TRIM33: variants seen among roughly 807,000 people sequenced by gnomAD.
TRIM33 encodes the protein E3 ubiquitin-protein ligase TRIM33.
A neutral mutation model predicts 125.4 loss-of-function variants in TRIM33; 20 were observed. The observed-to-expected ratio is 0.16, with a 90% CI of 0.11 to 0.23. The LOEUF (loss-of-function observed/expected upper bound fraction) is 0.23. Ranked by LOEUF, TRIM33 falls within the 10% of genes least tolerant of loss-of-function variation. The pLI is 1.00. For missense variants in TRIM33, 920 were observed against 1,411.4 expected, an observed-to-expected ratio of 0.65 and a Z score of 5.58; for synonymous variants, 564 against 513.9, an observed-to-expected ratio of 1.10 and a Z score of -1.32.
chr1:114,456,877 C>T (rs1649660293), intron 4 of TRIM33, among the ~76,000 whole-genome samples: 1 of 152,088 alleles, frequency 6.6e-6, no homozygotes, highest in African/African-American at 2.4e-5. Context: ...TGACATGTGA[C>T]CAACAGGAGC....
At position 114,504,063 on chromosome 1, in the gene TRIM33, G is replaced by A. The variant is rs577161123; in HGVS notation, c.526+6488C>T. On this transcript the variant is annotated intron_variant, in intron 1 of 19. Coordinates refer to ENST00000358465, the MANE Select transcript of TRIM33 (RefSeq NM_015906.4). ...TTCATAAAGGATATTAAGTGACAAT[G>A]ACATAGGTTTATTTTTGTTCTTTCT... 7.2e-5 allele frequency among the ~76,000 whole-genome samples: 11 copies of A among 152,294 alleles called. No individual in the cohort carries two copies. In the South Asian group the frequency reaches 2.1e-3, roughly 29 times the overall value.
rs1651354188 is a variant in TRIM33 at position 114,392,889 on chromosome 1, G to A, written c.*4759C>T. 5.2e-6 allele frequency: 1 copy of A among 191,502 alleles called. No homozygotes were observed. Among genetic ancestry groups the A allele is most frequent in the African/African-American group, 2.3e-5 (1 of 42,988 alleles). 11.9% of individuals were successfully genotyped at this position (191,502 alleles called of 1,614,324 possible). A position where few individuals can be genotyped will look rare whatever the true frequency, so the allele number is the denominator to read the frequency against. ...TACAACTTCTACAACACATTCCAGA[G>A]CATTATAACAAGAATTATTTACAGG... On this transcript the variant is annotated 3_prime_UTR_variant, in exon 20 of 20. Transcript: ENST00000358465.
chr1:114,414,750 C>T (rs1347327921), intron 11 of TRIM33, among the ~76,000 whole-genome samples: 1 of 152,154 alleles, frequency 6.6e-6, no homozygotes. Context: ...CTTATCCCTA[C>T]TGTTCCTCAA....
In TRIM33 at chr1:114,393,045, C is replaced by T. The variant is rs749302002; in HGVS notation, c.*4603G>A. 60 of 198,896 alleles carry T rather than the reference C, an allele frequency of 3.0e-4. No individual in the cohort carries two copies. The highest frequency in any genetic ancestry group is 5.4e-4 in the Non-Finnish European group (52 of 96,082). The allele number at this position is 198,896 out of a possible 1,614,324, so 12.3% of individuals were successfully genotyped here. On this transcript the variant is annotated 3_prime_UTR_variant, in exon 20 of 20. Coordinates refer to ENST00000358465, the MANE Select transcript of TRIM33 (RefSeq NM_015906.4). Reference sequence around the variant, plus strand: ...ATTAAATATGATTATTTAGAGAATACGATACCACAGAAACAGCACTTTTTA... The same window carrying T: ...ATTAAATATGATTATTTAGAGAATATGATACCACAGAAACAGCACTTTTTA...
intron 1 of TRIM33, among the ~76,000 whole-genome samples, chr1:114,484,524 C>T (rs539862935): frequency 7.9e-5 from 12 of 151,874 alleles, no homozygotes; most frequent in African/African-American, 2.9e-4. Context: ...GTCAGGAGTT[C>T]GAGACCAGCC....
Position 114,427,278 on chromosome 1 carries a change from C to A in TRIM33, c.1319G>T (p.Arg440Leu). The change falls in exon 8 of 20, where the codon CGT (arginine) becomes CTT (leucine). Residue 440 changes from arginine to leucine, a missense_variant. Arg to Leu is a moderately radical substitution (Grantham distance 102). Around this residue, in one of 8 missense-constraint regions of TRIM33, gnomAD observed 407 missense variants for 589.7 expected, o/e 0.69. Coordinates refer to ENST00000358465, the MANE Select transcript of TRIM33 (RefSeq NM_015906.4). ...ATCACACCGTGCTTTCAAAATATGA[C>A]GCAACTGGAAAGTAATCTTAAAGGG... ...YSKRLITFQL[R>L]HILKARCDPV... The A allele has an allele frequency of 6.3e-7, 1 of 1,574,830 alleles. No individual in the cohort carries two copies. The highest frequency in any genetic ancestry group is 8.7e-7 in the Non-Finnish European group (1 of 1,154,630).
chr1:114,443,961 A>C (rs572343563), intron 4 of TRIM33, among the ~76,000 whole-genome samples: 1 of 152,306 alleles, frequency 6.6e-6, no homozygotes, highest in East Asian at 1.9e-4. Context: ...AGCCCTTGTC[A>C]CCAAAAACTA....
intron 8 of TRIM33, 60 bp from the exon 9 acceptor site, chr1:114,425,783 G>A: frequency 1.6e-6 from 2 of 1,245,710 alleles, no homozygotes; most frequent in Non-Finnish European, 2.3e-6. Context: ...ACTTTGTTGA[G>A]TAATCACCAT....
intron 1 of TRIM33, among the ~76,000 whole-genome samples, chr1:114,483,619 C>A (rs1424863181): frequency 6.6e-6 from 1 of 151,806 alleles, no homozygotes; most frequent in Non-Finnish European, 1.5e-5. Context: ...CGCCATGTTG[C>A]CCAGGCTGGT....
rs1443655540 is a variant in TRIM33, at chr1:114,424,763, A to G, written c.1696-8T>C. 2.7e-6 allele frequency: 4 copies of G among 1,473,850 alleles called. No individual in the cohort carries two copies. The highest frequency in any genetic ancestry group is 3.6e-6 in the Non-Finnish European group (4 of 1,107,482). The allele number at this position is 1,473,850 out of a possible 1,614,324, so 91.3% of individuals were successfully genotyped here. A position where few individuals can be genotyped will look rare whatever the true frequency, so the allele number is the denominator to read the frequency against. On this transcript the variant is annotated splice_region_variant and splice_polypyrimidine_tract_variant and intron_variant, in intron 9 of 19. Transcript: ENST00000358465. The stretch of plus-strand genomic sequence containing the variant: ...ACTGATCAATCGAGGAGGCTACAAA[A>G]AGTAGAAATTGCAATTTATGTAATA...
intron 1 of TRIM33, among the ~76,000 whole-genome samples, chr1:114,464,644 A>G (rs1650180733): frequency 6.6e-6 from 1 of 152,226 alleles, no homozygotes; most frequent in Non-Finnish European, 1.5e-5. Flanking sequence ...TAATTGCCCC[A>G]AAAGAAATCC....
rs372969672 is a variant in TRIM33 at position 114,393,334 on chromosome 1, A to G, written c.*4314T>C. The G allele has an allele frequency of 5.0e-6, 1 of 199,930 alleles. No individual in the cohort carries two copies. The allele number at this position is 199,930 out of a possible 1,614,324, so 12.4% of individuals were successfully genotyped here. On this transcript the variant is annotated 3_prime_UTR_variant, in exon 20 of 20. Coordinates refer to ENST00000358465, the MANE Select transcript of TRIM33 (RefSeq NM_015906.4). ...CTACATTTTTCAGAACAAGGAGCAG[A>G]CATGCATTCCATCCTTAAGATTGAA...
At chr1:114,483,921 T>C (rs1651511166) in intron 1 of TRIM33, among the ~76,000 whole-genome samples, 1 of 152,152 alleles carries the variant, frequency 6.6e-6, no homozygotes, top group Non-Finnish European at 1.5e-5. Context: ...ATGAAAACGA[T>C]GCCCAAATTT....
chr1:114,510,141 T>C (rs1057146042), intron 1 of TRIM33, among the ~76,000 whole-genome samples: 21 of 152,048 alleles, frequency 1.4e-4, no homozygotes, highest in Non-Finnish European at 1.5e-5. Flanking sequence ...AAGCAATCCA[T>C]CTTCACTGCC....
intron 1 of TRIM33, among the ~76,000 whole-genome samples, chr1:114,479,879 C>T (rs1444768129): frequency 3.3e-5 from 5 of 152,046 alleles, no homozygotes; most frequent in Admixed American, 6.5e-5. Flanking sequence ...CGCCTCCACC[C>T]GGCCGCCGCC....
chr1:114,411,650 C>G (rs1652595504), intron 11 of TRIM33, among the ~76,000 whole-genome samples: 1 of 152,182 alleles, frequency 6.6e-6, no homozygotes, highest in African/African-American at 2.4e-5. Context: ...TTATACTCCT[C>G]ACCTGCAATT....
At chr1:114,474,682 G>A (rs1360339806) in intron 1 of TRIM33, among the ~76,000 whole-genome samples, 1 of 151,510 alleles carries the variant, frequency 6.6e-6, no homozygotes, top group Non-Finnish European at 1.5e-5. Flanking sequence ...ACCTGAGGTA[G>A]GGAGTTCAAG....
intron 11 of TRIM33, among the ~76,000 whole-genome samples, chr1:114,411,198 G>A (rs60939066): frequency 0.027 from 4,140 of 151,870 alleles, 133 homozygotes; most frequent in African/African-American, 0.074. Context: ...GCGCCACAAC[G>A]CCTGGCTAAT....
chr1:114,510,773 C>A lies in TRIM33; in HGVS notation c.304G>T (p.Ala102Ser), dbSNP rs1232674181. The A allele has an allele frequency of 5.2e-5, 79 of 1,519,484 alleles. No individual in the cohort carries two copies. The highest frequency in any genetic ancestry group is 6.1e-5 in the Non-Finnish European group (69 of 1,139,510). 94.1% of individuals were successfully genotyped at this position (1,519,484 alleles called of 1,614,324 possible). ...GAGGGACCCGGAGCGGGAGCCGAGG[C>A]TGGAGCTGGAGCCGGCGTCGATACT... is the stretch of plus-strand genomic sequence containing the variant. ...GAVSTPAPAP[A>S]SAPAPGPSAG... The change falls in exon 1 of 20, where the codon GCC becomes TCC. Residue 102 changes from alanine (A) to serine (S), a missense_variant. Physicochemically the swap from Ala to Ser is moderately conservative, Grantham distance 99. Coordinates refer to ENST00000358465, the MANE Select transcript of TRIM33 (RefSeq NM_015906.4).
Sources: gnomAD v4.1 joint callset for allele counts (sites outside exome capture counted in the v4.1 genomes callset) on GRCh38, gnomAD v4.1.1 for gene constraint, gnomAD v4.1.1 regional missense constraint, MANE v1.5 for transcripts, NCBI Gene and HGNC (gene_info 2026-07-23, HGNC 2026-07-21) for gene names.